The following SEMA6D variants were observed in gnomAD, a reference collection of about 807,000 sequenced individuals.
SEMA6D encodes semaphorin-6D.
In SEMA6D, 35 loss-of-function variants were observed where a neutral mutation model predicts 106.6. That is an observed-to-expected ratio of 0.33 (90% confidence interval 0.25 to 0.44). The LOEUF is 0.44. Ranked by LOEUF, SEMA6D falls within the 20% of genes least tolerant of loss-of-function variation. The probability of loss-of-function intolerance (pLI) is 1.00; values close to 1 mark genes in which losing one functional copy is unlikely to be tolerated. For synonymous variants in SEMA6D, 499 were observed against 487.7 expected (o/e 1.02, Z -0.31); for missense variants, 1,185 against 1,345.9 (o/e 0.88, Z 1.87).
At chr15:47,764,594 G>T (rs1481924064) in intron 11 of SEMA6D, 44 bp from the exon 12 acceptor site, 1 of 1,606,674 alleles carries the variant, frequency 6.2e-7, no homozygotes, top group Non-Finnish European at 8.5e-7. Flanking sequence ...ACATGGTGTG[G>T]CAGGGGCAGC....
intron 3 of SEMA6D, among the ~76,000 whole-genome samples, chr15:47,584,401 C>G (rs1354417395): frequency 6.7e-6 from 1 of 148,334 alleles, no homozygotes; most frequent in Non-Finnish European, 1.5e-5. Flanking sequence ...CCAGCCTGAG[C>G]AACAAGAGCA....
Position 47,751,720 on chromosome 15 carries a change from G to A in SEMA6D, c.-54-8025G>A, listed in dbSNP as rs75387615. On this transcript the variant is annotated intron_variant, in intron 1 of 18. Coordinates refer to ENST00000536845, the MANE Select transcript of SEMA6D (RefSeq NM_001358351.3). Reference sequence around the variant, plus strand: ...CTGGAGTCCAAAATGCTAACCTTGCGCTAAGAGATTCAGCGGGGATGTGGT... The same window carrying A: ...CTGGAGTCCAAAATGCTAACCTTGCACTAAGAGATTCAGCGGGGATGTGGT... Among the ~76,000 whole-genome samples, 31 of 152,222 alleles carry A rather than the reference G, an allele frequency of 2.0e-4. No individual in the cohort carries two copies. In the East Asian group the frequency reaches 4.1e-3, roughly 20 times the overall value.
At chr15:47,240,530 T>G (rs1003462398) in intron 1 of SEMA6D, among the ~76,000 whole-genome samples, 1 of 152,164 alleles carries the variant, frequency 6.6e-6, no homozygotes, top group Non-Finnish European at 1.5e-5. Flanking sequence ...TTAAGATCAT[T>G]TCCAACTTCA....
chr15:47,381,843 G>C (rs1336226793), intron 1 of SEMA6D, among the ~76,000 whole-genome samples: 1 of 152,138 alleles, frequency 6.6e-6, no homozygotes, highest in African/African-American at 2.4e-5. Flanking sequence ...GAGTCATTGG[G>C]AACATATGGG....
intron 1 of SEMA6D, among the ~76,000 whole-genome samples, chr15:47,291,589 T>C (rs987393411): frequency 7.9e-5 from 12 of 152,200 alleles, no homozygotes; most frequent in African/African-American, 2.7e-4. Flanking sequence ...TTCTAGGGAA[T>C]GGGACCATGT....
chr15:47,697,563 T>C (rs1282292805), intron 4 of SEMA6D, among the ~76,000 whole-genome samples: 1 of 152,232 alleles, frequency 6.6e-6, no homozygotes, highest in Non-Finnish European at 1.5e-5. Context: ...TAAATTCCAA[T>C]TATTTTTAGG....
intron 1 of SEMA6D, among the ~76,000 whole-genome samples, chr15:47,305,535 G>A (rs1441922076): frequency 1.3e-5 from 2 of 152,158 alleles, no homozygotes; most frequent in Admixed American, 1.3e-4. Flanking sequence ...AAATAAGGCT[G>A]TTTTCTATTG....
At position 47,552,891 on chromosome 15, in the gene SEMA6D, AATATAT is replaced by A. The variant is rs374271506; in HGVS notation, c.-86-47964_-86-47959del. Among the ~76,000 whole-genome samples the A allele has an allele frequency of 6.2e-4, 22 of 35,282 alleles. 1 individual carries two copies. The highest frequency in any genetic ancestry group is 9.0e-4 in the Non-Finnish European group (18 of 19,990). 23.1% of individuals were successfully genotyped at this position (35,282 alleles called of 152,430 possible). A position where few individuals can be genotyped will look rare whatever the true frequency, so the allele number is the denominator to read the frequency against. On this transcript the variant is annotated intron_variant, in intron 3 of 19. Transcript: ENST00000558014. ...TTTTATATATATATAAATATATATA[AATATAT>A]ATATATATAAATATATATATATTTG...
At chr15:47,215,998 A>T (rs890570281) in intron 1 of SEMA6D, among the ~76,000 whole-genome samples, 7 of 152,190 alleles carry the variant, frequency 4.6e-5, no homozygotes, top group African/African-American at 1.4e-4. Flanking sequence ...ACAAGTATTT[A>T]GGCTAAATTT....
chr15:47,483,069 T>C (rs1210071383), intron 3 of SEMA6D, among the ~76,000 whole-genome samples: 1 of 152,148 alleles, frequency 6.6e-6, no homozygotes, highest in Admixed American at 6.6e-5. Context: ...TATTAGAAGT[T>C]GATAAGTACA....
At chr15:47,629,703 A>G (rs1003360423) in intron 4 of SEMA6D, among the ~76,000 whole-genome samples, 3 of 151,844 alleles carry the variant, frequency 2.0e-5, no homozygotes, top group African/African-American at 4.8e-5. Context: ...GTTTGTACCC[A>G]TAACCCACCC....
At chr15:47,379,386 A>G (rs993627663) in intron 1 of SEMA6D, among the ~76,000 whole-genome samples, 2 of 152,234 alleles carry the variant, frequency 1.3e-5, no homozygotes, top group Non-Finnish European at 2.9e-5. Flanking sequence ...AAAGGGTACT[A>G]TCAAAACACT....
chr15:47,277,604 TTATTA>T (rs1378155097), intron 1 of SEMA6D, among the ~76,000 whole-genome samples: 1,466 of 6,758 alleles, frequency 0.22, 25 homozygotes, highest in Middle Eastern at 0.25. Flanking sequence ...ATTATTATTA[TTATTA>T]TTATTTATTA....
At chr15:47,556,784 C>T (rs1473514595) in intron 3 of SEMA6D, among the ~76,000 whole-genome samples, 1 of 152,144 alleles carries the variant, frequency 6.6e-6, no homozygotes. Context: ...CTCCTTTTCT[C>T]ACAGAATTGG....
chr15:47,660,424 C>A (rs139682147), intron 4 of SEMA6D, among the ~76,000 whole-genome samples: 8 of 152,100 alleles, frequency 5.3e-5, no homozygotes, highest in African/African-American at 1.7e-4. Context: ...ATGCAAAAAC[C>A]TATGGTATGT....
intron 4 of SEMA6D, among the ~76,000 whole-genome samples, chr15:47,648,477 G>A (rs2077622838): frequency 1.9e-5 from 2 of 105,568 alleles, no homozygotes; most frequent in Admixed American, 9.9e-5. Flanking sequence ...TAACTGGGTT[G>A]GAGAATGAAT....
chr15:47,309,248 A>G (rs2036348817), intron 1 of SEMA6D, among the ~76,000 whole-genome samples: 1 of 152,204 alleles, frequency 6.6e-6, no homozygotes, highest in Non-Finnish European at 1.5e-5. Context: ...TAAACAATTA[A>G]TGTTTAAAAT....
intron 1 of SEMA6D, among the ~76,000 whole-genome samples, chr15:47,307,960 A>C (rs1233243622): frequency 2.0e-5 from 3 of 151,932 alleles, no homozygotes. Context: ...CAAGAATCTT[A>C]TGATGCACAG....
intron 2 of SEMA6D, among the ~76,000 whole-genome samples, chr15:47,424,325 A>G (rs1039080570): frequency 6.6e-6 from 1 of 152,026 alleles, no homozygotes; most frequent in African/African-American, 2.4e-5. Flanking sequence ...GCCGTAAGAT[A>G]TTGCATACAT....
Sources: allele counts gnomAD v4.1 joint callset (sites outside exome capture counted in the v4.1 genomes callset), GRCh38; gene constraint gnomAD v4.1.1; transcripts MANE v1.5; gene names NCBI Gene and HGNC (gene_info 2026-07-23, HGNC 2026-07-21).